The following ASIC2 variants were observed in gnomAD, a reference collection of about 807,000 sequenced individuals.
ASIC2 encodes the protein acid sensing ion channel subunit 2.
In ASIC2, 25 loss-of-function variants were observed where a neutral mutation model predicts 57.3. The observed-to-expected ratio is 0.44, with a 90% CI of 0.32 to 0.61. The LOEUF (loss-of-function observed/expected upper bound fraction) is 0.61. Among genes scored for constraint, ASIC2 ranks in the 20% least tolerant of loss-of-function variants. The probability of loss-of-function intolerance (pLI) is 0.06; values close to 1 mark genes in which losing one functional copy is unlikely to be tolerated. For missense variants in ASIC2, 641 were observed against 738.1 expected, an observed-to-expected ratio of 0.87 and a Z score of 1.52; for synonymous variants, 319 against 307.5, an observed-to-expected ratio of 1.04 and a Z score of -0.39.
chr17:34,029,353 G>C (rs1051815153), intron 1 of ASIC2, among the ~76,000 whole-genome samples: 3 of 135,306 alleles, frequency 2.2e-5, no homozygotes, highest in African/African-American at 8.3e-5. Flanking sequence ...ATGCCCTGAG[G>C]AATGTCTCAC....
chr17:33,937,308 G>A (rs1176511298), intron 1 of ASIC2, among the ~76,000 whole-genome samples: 2 of 152,150 alleles, frequency 1.3e-5, no homozygotes, highest in African/African-American at 4.8e-5. Flanking sequence ...CGCCATGTTG[G>A]TCAGGCTGGT....
chr17:33,886,974 A>AT (rs35915167), intron 1 of ASIC2, among the ~76,000 whole-genome samples: 4 of 152,038 alleles, frequency 2.6e-5, no homozygotes, highest in African/African-American at 7.2e-5. Flanking sequence ...CAAAAAATGC[A>AT]TTTTTTTCCC....
chr17:34,038,573 G>C, intron 1 of ASIC2: 1 of 1,608,726 alleles, frequency 6.2e-7, no homozygotes, highest in South Asian at 1.1e-5. Flanking sequence ...ATTTAGCGTT[G>C]GATGATATTT....
chr17:34,114,638 A>G (rs1346188762), intron 1 of ASIC2, among the ~76,000 whole-genome samples: 3 of 152,178 alleles, frequency 2.0e-5, no homozygotes, highest in African/African-American at 7.2e-5. Flanking sequence ...CCTGGTACCT[A>G]GCATCATTCT....
intron 1 of ASIC2, among the ~76,000 whole-genome samples, chr17:34,035,130 CA>C (rs1371989517): frequency 6.7e-6 from 1 of 149,736 alleles, no homozygotes; most frequent in Non-Finnish European, 1.5e-5. Flanking sequence ...CTACAGTAAC[CA>C]AAACAGCATG....
intron 1 of ASIC2, among the ~76,000 whole-genome samples, chr17:34,068,966 A>G (rs1909277645): frequency 6.6e-6 from 1 of 152,192 alleles, no homozygotes; most frequent in Admixed American, 6.5e-5. Flanking sequence ...AAAAGCAATG[A>G]GTGACAAACC....
At chr17:34,055,563 A>G (rs1004609804) in intron 1 of ASIC2, among the ~76,000 whole-genome samples, 2 of 152,196 alleles carry the variant, frequency 1.3e-5, no homozygotes, top group African/African-American at 4.8e-5. Context: ...CCTACCAATT[A>G]ACCCCCAAGA....
At chr17:33,231,507 C>T (rs1908090027) in intron 1 of ASIC2, among the ~76,000 whole-genome samples, 1 of 152,122 alleles carries the variant, frequency 6.6e-6, no homozygotes, top group African/African-American at 2.4e-5. Flanking sequence ...CTTGTGACGG[C>T]TTTCTCTCCT....
intron 1 of ASIC2, among the ~76,000 whole-genome samples, chr17:33,454,287 C>T (rs1339129141): frequency 6.6e-6 from 1 of 152,126 alleles, no homozygotes; most frequent in East Asian, 1.9e-4. Context: ...TGTGTGGTGA[C>T]CAGTAGTACA....
At chr17:33,310,670 T>A (rs759935066) in intron 1 of ASIC2, among the ~76,000 whole-genome samples, 3 of 152,190 alleles carry the variant, frequency 2.0e-5, no homozygotes, top group Non-Finnish European at 2.9e-5. Flanking sequence ...TCTCTTTTAA[T>A]GTTTTTTCTA....
intron 1 of ASIC2, among the ~76,000 whole-genome samples, chr17:33,261,848 A>C (rs1371984533): frequency 6.6e-6 from 1 of 151,862 alleles, no homozygotes; most frequent in African/African-American, 2.4e-5. Context: ...GGCTGCCTTC[A>C]CTCCAGAGGC....
intron 1 of ASIC2, among the ~76,000 whole-genome samples, chr17:33,395,610 G>A (rs1910048554): frequency 6.6e-6 from 1 of 152,150 alleles, no homozygotes. Context: ...CCATCTATTT[G>A]TCCATCCAGT....
chr17:33,929,738 T>G (rs1737821534), intron 1 of ASIC2, among the ~76,000 whole-genome samples: 1 of 152,236 alleles, frequency 6.6e-6, no homozygotes, highest in African/African-American at 2.4e-5. Context: ...TCTCTAGGTT[T>G]ACTGCCTGCC....
intron 1 of ASIC2, among the ~76,000 whole-genome samples, chr17:33,247,269 T>C (rs1218562878): frequency 6.6e-6 from 1 of 152,200 alleles, no homozygotes; most frequent in African/African-American, 2.4e-5. Flanking sequence ...GGCAGGATTT[T>C]AAAATCCTTT....
At chr17:33,738,496 A>AAGGG (rs1909995819) in intron 1 of ASIC2, among the ~76,000 whole-genome samples, 1 of 152,170 alleles carries the variant, frequency 6.6e-6, no homozygotes, top group Non-Finnish European at 1.5e-5. Flanking sequence ...CAGGTGGGAT[A>AAGGG]ATTCTGGGGG....
intron 1 of ASIC2, among the ~76,000 whole-genome samples, chr17:33,831,717 TA>T (rs1220737899): frequency 6.6e-6 from 1 of 152,178 alleles, no homozygotes; most frequent in African/African-American, 2.4e-5. Flanking sequence ...GCCTCCTCCC[TA>T]CTGACAGCAG....
chr17:33,568,177 G>A (rs1916306364), intron 1 of ASIC2, among the ~76,000 whole-genome samples: 1 of 152,296 alleles, frequency 6.6e-6, no homozygotes, highest in South Asian at 2.1e-4. Context: ...GAGCCCTCCA[G>A]TTAGAGACTT....
At chr17:33,434,326 C>T (rs1379378055) in intron 1 of ASIC2, among the ~76,000 whole-genome samples, 3 of 151,960 alleles carry the variant, frequency 2.0e-5, no homozygotes, top group Non-Finnish European at 4.4e-5. Flanking sequence ...TAGATAATAA[C>T]AAATCTAAAT....
At chr17:33,372,331 G>T (rs1909101273) in intron 1 of ASIC2, among the ~76,000 whole-genome samples, 1 of 152,086 alleles carries the variant, frequency 6.6e-6, no homozygotes, top group Admixed American at 6.5e-5. Flanking sequence ...AGATCAGAAG[G>T]TGCTACATTG....
Sources: allele counts gnomAD v4.1 joint callset (sites outside exome capture counted in the v4.1 genomes callset), GRCh38; gene constraint gnomAD v4.1.1; transcripts MANE v1.5; gene names NCBI Gene and HGNC (gene_info 2026-07-23, HGNC 2026-07-21).